The following SPTLC2 variants were observed in gnomAD, a reference collection of about 807,000 sequenced individuals.
The protein encoded by SPTLC2 is serine palmitoyltransferase long chain base subunit 2, also known as serine palmitoyltransferase 2.
In SPTLC2, 21 loss-of-function variants were observed where a neutral mutation model predicts 62.0. The observed-to-expected ratio is 0.34, with a 90% CI of 0.24 to 0.49. The LOEUF (loss-of-function observed/expected upper bound fraction) is 0.49, where lower values mean the gene tolerates loss of function less well. Among genes scored for constraint, SPTLC2 ranks in the 20% least tolerant of loss-of-function variants. SPTLC2 has a pLI of 0.99. For synonymous variants in SPTLC2, 261 were observed against 261.8 expected (o/e 1.00, Z 0.03); for missense variants, 511 against 713.0 (o/e 0.72, Z 3.23).
At chr14:77,550,840 G>A (rs1405174320) in intron 9 of SPTLC2, among the ~76,000 whole-genome samples, 2 of 150,980 alleles carry the variant, frequency 1.3e-5, no homozygotes, top group African/African-American at 4.9e-5. Flanking sequence ...GGAAGCGGAG[G>A]TTGCTGTGAG....
At chr14:77,575,557 A>T (rs1277122383) in intron 4 of SPTLC2, among the ~76,000 whole-genome samples, 2 of 152,296 alleles carry the variant, frequency 1.3e-5, no homozygotes, top group Non-Finnish European at 2.9e-5. Context: ...TTTTTGACAC[A>T]GTGTCTCACT....
chr14:77,539,007 G>GGATGAT (rs927731522), intron 9 of SPTLC2, among the ~76,000 whole-genome samples: 1 of 151,466 alleles, frequency 6.6e-6, no homozygotes, highest in Non-Finnish European at 1.5e-5. Context: ...ATGGCAATGG[G>GGATGAT]GATGATGATG....
intron 4 of SPTLC2, among the ~76,000 whole-genome samples, chr14:77,570,993 C>T (rs2079679124): frequency 6.6e-6 from 1 of 152,020 alleles, no homozygotes; most frequent in African/African-American, 2.4e-5. Flanking sequence ...ACAGAGATGC[C>T]CAGCCAGCCC....
chr14:77,606,319 G>A (rs533941775), intron 1 of SPTLC2, among the ~76,000 whole-genome samples: 169 of 151,896 alleles, frequency 1.1e-3, no homozygotes, highest in African/African-American at 3.9e-3. Context: ...GCAACAGAGC[G>A]AGACTCTGTC....
At chr14:77,592,981 T>C (rs2079826607) in intron 2 of SPTLC2, among the ~76,000 whole-genome samples, 2 of 151,816 alleles carry the variant, frequency 1.3e-5, no homozygotes, top group Non-Finnish European at 2.9e-5. Flanking sequence ...TGCATGACTG[T>C]AATTCCAGCT....
chr14:77,543,195 G>A (rs1298783974), intron 9 of SPTLC2, among the ~76,000 whole-genome samples: 4 of 152,098 alleles, frequency 2.6e-5, no homozygotes, highest in African/African-American at 7.2e-5. Context: ...GACTACAGGC[G>A]TGCACCACCA....
intron 1 of SPTLC2, among the ~76,000 whole-genome samples, chr14:77,615,913 A>G (rs564950582): frequency 2.0e-5 from 3 of 152,188 alleles, no homozygotes; most frequent in Non-Finnish European, 4.4e-5. Flanking sequence ...CTATGGACCA[A>G]TGTCCTGGTT....
chr14:77,596,961 G>A (rs1036375838), intron 2 of SPTLC2, among the ~76,000 whole-genome samples: 7 of 152,040 alleles, frequency 4.6e-5, no homozygotes, highest in East Asian at 1.9e-4. Context: ...GGATAGTGCC[G>A]CCCACCTCCT....
intron 2 of SPTLC2, among the ~76,000 whole-genome samples, chr14:77,582,323 A>C (rs1411661042): frequency 1.3e-5 from 2 of 152,138 alleles, no homozygotes; most frequent in African/African-American, 4.8e-5. Context: ...CAAAGTGCTG[A>C]GATTACAGGC....
At chr14:77,577,295 A>G (rs1333073203) in intron 3 of SPTLC2, among the ~76,000 whole-genome samples, 1 of 152,090 alleles carries the variant, frequency 6.6e-6, no homozygotes, top group African/African-American at 2.4e-5. Flanking sequence ...GCCACTGCAC[A>G]ATTTGCCACA....
rs76261588 is a variant in SPTLC2 at position 77,601,543 on chromosome 14, T to TG, written c.133-4164dup. ...CCTTGTTGCTCACACAAAGCCTGTT[T>TG]GGGGGGGTCTCTTCACATGCACACG... is the stretch of plus-strand genomic sequence containing the variant. On this transcript the variant is annotated intron_variant, in intron 1 of 11. Transcript: ENST00000216484. Among the ~76,000 whole-genome samples, 738 of 152,194 alleles carry TG rather than the reference T, an allele frequency of 4.8e-3. 8 individuals carry two copies. The highest frequency in any genetic ancestry group is 0.018 in the South Asian group (88 of 4,822).
intron 5 of SPTLC2, 151 bp downstream of exon 5, chr14:77,570,233 A>G: frequency 8.9e-7 from 1 of 1,128,158 alleles, no homozygotes; most frequent in Non-Finnish European, 1.2e-6. Context: ...AAAAAAAAAA[A>G]AAAAAAAGAA....
chr14:77,561,541 G>A (rs1272299144), intron 6 of SPTLC2, among the ~76,000 whole-genome samples: 1 of 151,666 alleles, frequency 6.6e-6, no homozygotes, highest in East Asian at 1.9e-4. Context: ...AACTCGGGAG[G>A]CAGAGGTTGC....
At chr14:77,578,510 C>G (rs986550369) in intron 3 of SPTLC2, among the ~76,000 whole-genome samples, 1 of 151,602 alleles carries the variant, frequency 6.6e-6, no homozygotes, top group East Asian at 1.9e-4. Flanking sequence ...TGAGGTCAGG[C>G]ATTCGAGACC....
intron 6 of SPTLC2, among the ~76,000 whole-genome samples, chr14:77,557,646 C>T (rs113232084): frequency 6.6e-6 from 1 of 152,312 alleles, no homozygotes; most frequent in African/African-American, 2.4e-5. Flanking sequence ...TCACCCAGGA[C>T]GTACTCAATA....
chr14:77,578,881 TATA>T (rs763035673), intron 3 of SPTLC2, 71 bp downstream of exon 3: 58 of 1,524,706 alleles, frequency 3.8e-5, no homozygotes, highest in Non-Finnish European at 5.2e-5. Flanking sequence ...ATACTCAATT[TATA>T]ATAACATATT....
At chr14:77,540,177 A>G (rs2079492986) in intron 9 of SPTLC2, among the ~76,000 whole-genome samples, 1 of 143,634 alleles carries the variant, frequency 7.0e-6, no homozygotes, top group Non-Finnish European at 1.5e-5. Flanking sequence ...GCCTGCCAGC[A>G]TGGGCAACAA....
In SPTLC2 at chr14:77,507,524, G is replaced by A. The variant is rs2139985670; in HGVS notation, c.*4760C>T. The A allele has an allele frequency of 6.6e-6, 1 of 152,174 alleles. No individual in the cohort carries two copies. The highest frequency in any genetic ancestry group is 1.9e-4 in the East Asian group (1 of 5,182). The allele number at this position is 152,174 out of a possible 1,614,324, so 9.4% of individuals were successfully genotyped here. Reference sequence around the variant, plus strand: ...TTTTTGTAATTTTAGTAGAGATGAGGTTTCGCCATGTTGGCCAGACTGTTC... The same window carrying A: ...TTTTTGTAATTTTAGTAGAGATGAGATTTCGCCATGTTGGCCAGACTGTTC... On this transcript the variant is annotated 3_prime_UTR_variant, in exon 12 of 12. Transcript: ENST00000216484.
chr14:77,542,809 T>A (rs1382802500), intron 9 of SPTLC2, among the ~76,000 whole-genome samples: 1 of 152,162 alleles, frequency 6.6e-6, no homozygotes, highest in East Asian at 1.9e-4. Context: ...GCTTAATCCT[T>A]TAATTCATTT....
Sources: allele counts gnomAD v4.1 joint callset (sites outside exome capture counted in the v4.1 genomes callset), GRCh38; gene constraint gnomAD v4.1.1; transcripts MANE v1.5; gene names NCBI Gene and HGNC (gene_info 2026-07-23, HGNC 2026-07-21).